G6PC3: variants seen among roughly 807,000 people sequenced by gnomAD.
The protein encoded by G6PC3 is glucose-6-phosphatase 3.
In G6PC3, 30 loss-of-function variants were observed where a neutral mutation model predicts 38.6. That is an observed-to-expected ratio of 0.78 (90% CI 0.58 to 1.05). The LOEUF is 1.05. Among genes scored for constraint, G6PC3 ranks in the 50% least tolerant of loss-of-function variants. The pLI is 0.00. For missense variants in G6PC3, 377 were observed against 443.1 expected (o/e 0.85, Z 1.34); for synonymous variants, 192 against 178.1 (o/e 1.08, Z -0.62).
chr17:44,073,757 A>C (rs1352248822), intron 1 of G6PC3: 3 of 272,558 alleles, frequency 1.1e-5, no homozygotes, highest in Non-Finnish European at 2.2e-5. Context: ...CACCACTTCC[A>C]GCTAATTTTT....
Position 44,074,760 on chromosome 17 carries a change from C to G in G6PC3, c.406C>G (p.Arg136Gly). 1 of 1,613,888 alleles carries G rather than the reference C, an allele frequency of 6.2e-7. No individual in the cohort carries two copies. The highest frequency in any genetic ancestry group is 8.5e-7 in the Non-Finnish European group (1 of 1,179,902). The change falls in exon 3 of 6, where the codon CGG becomes GGG. Residue 136 changes from arginine to glycine, a missense_variant. Coordinates refer to ENST00000269097, the MANE Select transcript of G6PC3 (RefSeq NM_138387.4). The stretch of plus-strand genomic sequence containing the variant: ...GGCCCTGTCTTCGCAGGTGGCCACT[C>G]GGGCCCGCAGGTATACCCTTGGCAT... ...MTALSSQVAT[R>G]ARSRWVRVMP...
rs370780026 is a variant in G6PC3 at position 44,074,652 on chromosome 17, C to T, written c.326-28C>T. ...CCCCGGGGTTCTGCCTCCATCTTCT[C>T]ACCACGAGCTTCTGGATTTGCTGGC... On this transcript the variant is annotated intron_variant, in intron 2 of 5. Transcript: ENST00000269097. 1.3e-4 allele frequency: 211 copies of T among 1,609,386 alleles called. 1 individual carries two copies. The highest frequency in any genetic ancestry group is 1.7e-4 in the Non-Finnish European group (205 of 1,175,824).
chr17:44,073,986 G>C (rs1287946541), intron 1 of G6PC3, 174 bp from the exon 2 acceptor site: 16 of 714,604 alleles, frequency 2.2e-5, no homozygotes, highest in Admixed American at 4.1e-5. Context: ...CCTGTTCTAA[G>C]GTAGAAAACC....
rs904160246 is a variant in G6PC3, at chr17:44,075,670, T to C, written c.678-10T>C. Reference sequence around the variant, plus strand: ...CAGCCTCTCCTGGCAAGAACTCTTCTTCCCCACAGGTCCATCAGCCTAGCC... The same window carrying C: ...CAGCCTCTCCTGGCAAGAACTCTTCCTCCCCACAGGTCCATCAGCCTAGCC... On this transcript the variant is annotated splice_polypyrimidine_tract_variant and intron_variant, in intron 5 of 5. Coordinates refer to ENST00000269097, the MANE Select transcript of G6PC3 (RefSeq NM_138387.4). 1.9e-6 allele frequency: 3 copies of C among 1,610,054 alleles called. No individual in the cohort carries two copies. The highest frequency in any genetic ancestry group is 2.5e-6 in the Non-Finnish European group (3 of 1,179,984).
Position 44,070,877 on chromosome 17 carries a change from TGGAGATCAGAG to T in G6PC3, c.-86_-76del. ...GCCTGGGGCTCAGAGGGGTGGGCTT[TGGAGATCAGAG>T]GGTCGACGCTGCTTCGTTGCCTGGA... is the stretch of plus-strand genomic sequence containing the variant. On this transcript the variant is annotated 5_prime_UTR_variant, in exon 1 of 6. Coordinates refer to ENST00000269097, the MANE Select transcript of G6PC3 (RefSeq NM_138387.4). The T allele has an allele frequency of 6.9e-7, 1 of 1,450,334 alleles. No individual in the cohort carries two copies. Among genetic ancestry groups the T allele is most frequent in the Non-Finnish European group, 9.3e-7 (1 of 1,070,064 alleles). The allele number at this position is 1,450,334 out of a possible 1,614,324, so 89.8% of individuals were successfully genotyped here. A position where few individuals can be genotyped will look rare whatever the true frequency, so the allele number is the denominator to read the frequency against.
rs764747768 is a variant in G6PC3, at chr17:44,074,229, G to T, written c.288G>T (p.Gln96His). 3 of 1,613,976 alleles carry T rather than the reference G, an allele frequency of 1.9e-6. No individual in the cohort carries two copies. In the South Asian group the frequency reaches 3.3e-5, roughly 18 times the overall value. ...ESGYYSQAPA[Q>H]VHQFPSSCET... ...GTTACTACAGCCAGGCTCCAGCCCAGGTTCACCAGTTCCCCTCTTCTTGTG... is the reference window on the plus strand; with the variant it reads ...GTTACTACAGCCAGGCTCCAGCCCATGTTCACCAGTTCCCCTCTTCTTGTG... Residue 96 changes from glutamine (Q) to histidine (H), a missense_variant, in exon 2 of 6, where the codon CAG becomes CAT. Transcript: ENST00000269097.
chr17:44,075,161 A>G, intron 4 of G6PC3, 74 bp downstream of exon 4: 3 of 1,495,546 alleles, frequency 2.0e-6, no homozygotes, highest in Non-Finnish European at 2.8e-6. Context: ...GGATCTTCCC[A>G]TCGCTCCCAG....
chr17:44,074,399 C>G, intron 2 of G6PC3, 133 bp downstream of exon 2: 2 of 801,454 alleles, frequency 2.5e-6, no homozygotes, highest in Non-Finnish European at 2.2e-6. Context: ...ACAAAAGAAC[C>G]CCAGGGAGAC....
chr17:44,071,015 A>ACCAG lies in G6PC3; in HGVS notation c.52_55dup (p.Leu19ProfsTer69). The ACCAG allele has an allele frequency of 6.3e-7, 1 of 1,574,898 alleles. No homozygotes were observed. The highest frequency in any genetic ancestry group is 2.3e-5 in the East Asian group (1 of 42,702). ...ATCGTGATAGCCGAGGCGCTACAGA[A>ACCAG]CCAGCTAGCCTGGCTGGAGAACGTG... On this transcript the variant is annotated frameshift_variant, in exon 1 of 6. Coordinates refer to ENST00000269097, the MANE Select transcript of G6PC3 (RefSeq NM_138387.4).
rs377286452 is a variant in G6PC3, at chr17:44,074,205, T to G, written c.264T>G (p.Gly88=). 141 of 1,614,058 alleles carry G rather than the reference T, an allele frequency of 8.7e-5. No homozygotes were observed. The highest frequency in any genetic ancestry group is 1.5e-4 in the Admixed American group (9 of 60,006). Residue 88 remains glycine (G), a synonymous_variant, in exon 2 of 6, where the codon GGT becomes GGG. Transcript: ENST00000269097. ...CCTTTTGGTGGGTCCATGAGTCTGG[T>G]TACTACAGCCAGGCTCCAGCCCAGG... ...DRPFWWVHES[G]YYSQAPAQVH...
At chr17:44,071,547 T>C (rs575314069) in intron 1 of G6PC3, 4 of 692,958 alleles carry the variant, frequency 5.8e-6, no homozygotes, top group South Asian at 1.8e-5. Context: ...TTAACAAATA[T>C]GGTGATTTAA....
intron 1 of G6PC3, chr17:44,071,596 C>T (rs1368515880): frequency 4.0e-6 from 5 of 1,241,204 alleles, no homozygotes; most frequent in Admixed American, 4.9e-5. Flanking sequence ...CTTTTTCATT[C>T]ATGTATTCAT....
Position 44,070,957 on chromosome 17 carries a change from T to C in G6PC3, c.-9T>C. 6.5e-7 allele frequency: 1 copy of C among 1,550,088 alleles called. No individual in the cohort carries two copies. Among genetic ancestry groups the C allele is most frequent in the Non-Finnish European group, 8.7e-7 (1 of 1,147,166 alleles). On this transcript the variant is annotated 5_prime_UTR_variant, in exon 1 of 6. Coordinates refer to ENST00000269097, the MANE Select transcript of G6PC3 (RefSeq NM_138387.4). ...AGCAAGCCGGGGCCTGGTCGGCAGC[T>C]GGGCCGCCATGGAGTCCACGCTGGG... is the stretch of plus-strand genomic sequence containing the variant.
rs1567967357 is a variant in G6PC3 at position 44,070,820 on chromosome 17, C to T, written c.-146C>T. 2.4e-6 allele frequency: 2 copies of T among 819,498 alleles called. No homozygotes were observed. Among genetic ancestry groups the T allele is most frequent in the Admixed American group, 2.1e-5 (1 of 47,678 alleles). 50.8% of individuals were successfully genotyped at this position (819,498 alleles called of 1,614,324 possible). A position where few individuals can be genotyped will look rare whatever the true frequency, so the allele number is the denominator to read the frequency against. On this transcript the variant is annotated 5_prime_UTR_variant, in exon 1 of 6. Coordinates refer to ENST00000269097, the MANE Select transcript of G6PC3 (RefSeq NM_138387.4). ...TGCAGGAGCGGGGGACTGCTGGGGG[C>T]GGGGCTTGGTGGTGACCGCTGGCGG... is the stretch of plus-strand genomic sequence containing the variant.
chr17:44,074,229 G>A lies in G6PC3; in HGVS notation c.288G>A (p.Gln96=). ...ESGYYSQAPA[Q]VHQFPSSCET... ...GTTACTACAGCCAGGCTCCAGCCCAGGTTCACCAGTTCCCCTCTTCTTGTG... is the reference window on the plus strand; with the variant it reads ...GTTACTACAGCCAGGCTCCAGCCCAAGTTCACCAGTTCCCCTCTTCTTGTG... The change falls in exon 2 of 6, where the codon CAG becomes CAA. Residue 96 remains glutamine, a synonymous_variant. Transcript: ENST00000269097. 1 of 1,613,976 alleles carries A rather than the reference G, an allele frequency of 6.2e-7. No homozygotes were observed. Among genetic ancestry groups the A allele is most frequent in the Non-Finnish European group, 8.5e-7 (1 of 1,179,944 alleles).
intron 1 of G6PC3, chr17:44,072,078 T>C (rs2049990051): frequency 4.5e-6 from 1 of 221,280 alleles, no homozygotes; most frequent in Admixed American, 5.3e-5. Flanking sequence ...CTGGAATGAC[T>C]TGCTGAAAAA....
chr17:44,071,608 C>A, intron 1 of G6PC3: 1 of 1,264,630 alleles, frequency 7.9e-7, no homozygotes. Flanking sequence ...TGTATTCATT[C>A]ATTTGCTATA....
intron 1 of G6PC3, chr17:44,071,645 G>C: frequency 7.8e-7 from 1 of 1,282,672 alleles, no homozygotes; most frequent in Non-Finnish European, 1.0e-6. Flanking sequence ...CTTTGTGCTG[G>C]GCATCACGGT....
Position 44,070,995 on chromosome 17 carries a change from G to C in G6PC3, c.30G>C (p.Val10=), listed in dbSNP as rs1200116136. 5.1e-6 allele frequency: 8 copies of C among 1,559,042 alleles called. No homozygotes were observed. Among genetic ancestry groups the C allele is most frequent in the Admixed American group, 3.9e-5 (2 of 51,810 alleles). MESTLGAGI[V]IAEALQNQLA... ...AGTCCACGCTGGGCGCGGGCATCGT[G>C]ATAGCCGAGGCGCTACAGAACCAGC... Residue 10 remains valine (V), a synonymous_variant, in exon 1 of 6, where the codon GTG becomes GTC. Transcript: ENST00000269097.
Sources: gnomAD v4.1 joint callset for allele counts on GRCh38, gnomAD v4.1.1 for gene constraint, MANE v1.5 for transcripts, NCBI Gene and HGNC (gene_info 2026-07-23, HGNC 2026-07-21) for gene names.